The following FAM72B variants were observed in gnomAD, a reference collection of about 807,000 sequenced individuals.
The protein encoded by FAM72B is protein FAM72B.
FAM72B carries 4 observed loss-of-function variants against 12.6 expected under a neutral mutation model. That is an observed-to-expected ratio of 0.32 (90% CI 0.16 to 0.73). FAM72B has a LOEUF of 0.73. Among genes scored for constraint, FAM72B ranks in the 30% least tolerant of loss-of-function variants. The pLI is 0.67. For missense variants in FAM72B, 61 were observed against 158.4 expected, an observed-to-expected ratio of 0.39 and a Z score of 3.30; for synonymous variants, 13 against 53.9, an observed-to-expected ratio of 0.24 and a Z score of 3.32.
At position 121,182,024 on chromosome 1, in the gene FAM72B, C is replaced by T. The variant is rs587653608; in HGVS notation, c.153-676G>A. 5.3e-5 allele frequency among the ~76,000 whole-genome samples: 8 copies of T among 152,204 alleles called. No homozygotes were observed. The South Asian group carries it at 1.2e-3, about 24-fold the overall frequency. On this transcript the variant is annotated intron_variant, in intron 1 of 3. Coordinates refer to ENST00000369390, the MANE Select transcript of FAM72B (RefSeq NM_001100910.2). ...TCACCTAGCCTTCCTTATGACTGCC[C>T]TATTACTTACCATAGCTATTGCAAA...
chr1:121,170,076 T>G (rs1654061749), intron 3 of FAM72B, among the ~76,000 whole-genome samples: 1 of 152,176 alleles, frequency 6.6e-6, no homozygotes, highest in Non-Finnish European at 1.5e-5. Flanking sequence ...GTTCAAGTGA[T>G]TCTCATGCCT....
chr1:121,173,185 T>TA (rs1491411814), intron 3 of FAM72B, among the ~76,000 whole-genome samples: 1 of 16,886 alleles, frequency 5.9e-5, no homozygotes, highest in African/African-American at 3.5e-4. Flanking sequence ...ACTAAAATAA[T>TA]TTTTTTTTTT....
rs1653998093 is a variant in FAM72B at position 121,167,901 on chromosome 1, A to ACAAAG, written c.*835_*839dup. Reference sequence around the variant, plus strand: ...CTGAATGCAGCTTTAAAAAAACAAAACAAAGCAAAGCAAAGCAAAACAAAA... The same window carrying ACAAAG: ...CTGAATGCAGCTTTAAAAAAACAAAACAAAGCAAAGCAAAGCAAAGCAAAACAAAA... On this transcript the variant is annotated 3_prime_UTR_variant, in exon 4 of 4. Coordinates refer to ENST00000369390, the MANE Select transcript of FAM72B (RefSeq NM_001100910.2). 1.9e-5 allele frequency: 1 copy of ACAAAG among 53,346 alleles called. No homozygotes were observed. The highest frequency in any genetic ancestry group is 3.6e-5 in the Non-Finnish European group (1 of 27,636). The allele number at this position is 53,346 out of a possible 1,614,324, so 3.3% of individuals were successfully genotyped here. A position where few individuals can be genotyped will look rare whatever the true frequency, so the allele number is the denominator to read the frequency against.
chr1:121,172,635 C>T lies in FAM72B; in HGVS notation c.356-3800G>A, dbSNP rs1350869702. 1.7e-3 allele frequency among the ~76,000 whole-genome samples: 244 copies of T among 145,092 alleles called. 2 individuals carry two copies. Among genetic ancestry groups the T allele is most frequent in the Non-Finnish European group, 3.2e-3 (215 of 67,814 alleles). ...AAAATTAGCCAGGTGTAGTGGTGCA[C>T]ACCTATAATCCCAGCCACTCAGAAG... On this transcript the variant is annotated intron_variant, in intron 3 of 3. Transcript: ENST00000369390.
chr1:121,180,737 T>C (rs1654316148), intron 2 of FAM72B, among the ~76,000 whole-genome samples: 1 of 151,280 alleles, frequency 6.6e-6, no homozygotes, highest in African/African-American at 2.4e-5. Context: ...TGCCTGCCTG[T>C]AGTCCCAGCT....
At chr1:121,176,343 AT>A (rs199612268) in intron 3 of FAM72B, among the ~76,000 whole-genome samples, 8 of 71,624 alleles carry the variant, frequency 1.1e-4, no homozygotes, top group East Asian at 6.4e-4. Flanking sequence ...TAATTTTTGT[AT>A]TTTTTTTTGT....
At chr1:121,170,041 G>C (rs2101306436) in intron 3 of FAM72B, among the ~76,000 whole-genome samples, 1 of 152,146 alleles carries the variant, frequency 6.6e-6, no homozygotes, top group Admixed American at 6.5e-5. Flanking sequence ...TGTAATCTTG[G>C]CTCACTGCAA....
In FAM72B at chr1:121,183,590, C is replaced by G. The variant is rs1479773218; in HGVS notation, c.-101G>C. The G allele has an allele frequency of 1.2e-6, 2 of 1,607,488 alleles. No individual in the cohort carries two copies. Among genetic ancestry groups the G allele is most frequent in the Non-Finnish European group, 8.5e-7 (1 of 1,177,856 alleles). On this transcript the variant is annotated 5_prime_UTR_variant, in exon 1 of 4. Transcript: ENST00000369390. The stretch of plus-strand genomic sequence containing the variant: ...TAGGCTAAAATTCAAGTTGCGGGAC[C>G]TAGAGCTTTTCTAAGTCCTAATATT...
At chr1:121,172,617 G>C (rs1654116495) in intron 3 of FAM72B, among the ~76,000 whole-genome samples, 2 of 145,790 alleles carry the variant, frequency 1.4e-5, no homozygotes. Context: ...ACAAAAATTA[G>C]CCAGGTGTAG....
chr1:121,175,098 A>C (rs1203115862), intron 3 of FAM72B, among the ~76,000 whole-genome samples: 2 of 152,132 alleles, frequency 1.3e-5, no homozygotes, highest in Non-Finnish European at 2.9e-5. Context: ...GGTGACTTTA[A>C]GTTGAATCCA....
chr1:121,174,363 T>TC (rs745325749), intron 3 of FAM72B, among the ~76,000 whole-genome samples: 1 of 149,870 alleles, frequency 6.7e-6, no homozygotes, highest in Non-Finnish European at 1.5e-5. Flanking sequence ...ATTTTTCTTT[T>TC]CTTTTCTTTT....
intron 2 of FAM72B, among the ~76,000 whole-genome samples, chr1:121,178,824 A>G (rs1457721393): frequency 1.5e-5 from 2 of 130,632 alleles, no homozygotes; most frequent in East Asian, 2.4e-4. Flanking sequence ...TTTCCATACC[A>G]AGGTCCAGAT....
Position 121,167,916 on chromosome 1 carries a change from GC to G in FAM72B, c.*824del, listed in dbSNP as rs1553315533. On this transcript the variant is annotated 3_prime_UTR_variant, in exon 4 of 4. Coordinates refer to ENST00000369390, the MANE Select transcript of FAM72B (RefSeq NM_001100910.2). ...AAAAAACAAAACAAAGCAAAGCAAAGCAAAACAAAACAGCTCTTTATAATGT... is the reference window on the plus strand; with the variant it reads ...AAAAAACAAAACAAAGCAAAGCAAAGAAAACAAAACAGCTCTTTATAATGT... 1 of 46,650 alleles carries G rather than the reference GC, an allele frequency of 2.1e-5. No individual in the cohort carries two copies. The allele number at this position is 46,650 out of a possible 1,614,324, so 2.9% of individuals were successfully genotyped here. A position where few individuals can be genotyped will look rare whatever the true frequency, so the allele number is the denominator to read the frequency against.
chr1:121,183,551 T>C lies in FAM72B; in HGVS notation c.-62A>G. 6.2e-7 allele frequency: 1 copy of C among 1,609,154 alleles called. No individual in the cohort carries two copies. Among genetic ancestry groups the C allele is most frequent in the South Asian group, 1.1e-5 (1 of 90,746 alleles). On this transcript the variant is annotated 5_prime_UTR_variant, in exon 1 of 4. In the 5' UTR this introduces an upstream ATG that the reference lacks. Coordinates refer to ENST00000369390, the MANE Select transcript of FAM72B (RefSeq NM_001100910.2). Reference sequence around the variant, plus strand: ...AAGGAAACAAGAGTAATGCTCCTACTATTTTGATTCCCCTAGGCTAAAATT... The same window carrying C: ...AAGGAAACAAGAGTAATGCTCCTACCATTTTGATTCCCCTAGGCTAAAATT...
At chr1:121,175,298 T>C (rs1157636827) in intron 3 of FAM72B, among the ~76,000 whole-genome samples, 1 of 152,206 alleles carries the variant, frequency 6.6e-6, no homozygotes, top group Non-Finnish European at 1.5e-5. Flanking sequence ...ACATTACTGT[T>C]CATTGACAAT....
intron 3 of FAM72B, among the ~76,000 whole-genome samples, chr1:121,175,008 A>G (rs1339597865): frequency 1.3e-5 from 2 of 152,046 alleles, no homozygotes; most frequent in Non-Finnish European, 2.9e-5. Context: ...TAGGACTTTC[A>G]TAGCTAGAGA....
chr1:121,170,179 C>CA (rs2101306962), intron 3 of FAM72B, among the ~76,000 whole-genome samples: 1 of 150,080 alleles, frequency 6.7e-6, no homozygotes, highest in African/African-American at 2.5e-5. Context: ...CCACGTTGGT[C>CA]AGGGTGGTCT....
intron 1 of FAM72B, among the ~76,000 whole-genome samples, chr1:121,182,013 T>G (rs1342845535): frequency 1.3e-5 from 2 of 152,094 alleles, no homozygotes; most frequent in Non-Finnish European, 2.9e-5. Flanking sequence ...CTAGCCTTCC[T>G]TATGACTGCC....
At chr1:121,179,309 C>G (rs1366886132) in intron 2 of FAM72B, among the ~76,000 whole-genome samples, 8 of 151,710 alleles carry the variant, frequency 5.3e-5, no homozygotes, top group Non-Finnish European at 1.0e-4. Context: ...ACCCAGAAGA[C>G]GGAGGTTGCA....
Sources: gnomAD v4.1 joint callset for allele counts (sites outside exome capture counted in the v4.1 genomes callset) on GRCh38, gnomAD v4.1.1 for gene constraint, MANE v1.5 for transcripts, NCBI Gene and HGNC (gene_info 2026-07-23, HGNC 2026-07-21) for gene names.